The following IL17RE variants were observed in gnomAD, a reference collection of about 807,000 sequenced individuals.
IL17RE encodes the protein interleukin 17 receptor E.
IL17RE carries 47 observed loss-of-function variants against 70.7 expected under a neutral mutation model. The ratio of observed to expected loss-of-function variants is 0.67; its 90% CI spans 0.53 to 0.85. The LOEUF is 0.85. Among genes scored for constraint, IL17RE ranks in the 40% least tolerant of loss-of-function variants. IL17RE has a pLI of 0.00. For synonymous variants in IL17RE, 372 were observed against 381.2 expected, an observed-to-expected ratio of 0.98 and a Z score of 0.28; for missense variants, 850 against 893.9, an observed-to-expected ratio of 0.95 and a Z score of 0.63.
intron 12 of IL17RE, among the ~76,000 whole-genome samples, chr3:9,912,716 C>A (rs910449053): frequency 4.6e-5 from 7 of 152,178 alleles, no homozygotes; most frequent in African/African-American, 1.7e-4. Flanking sequence ...GTATGAAAGA[C>A]CAAGTCACGC....
intron 2 of IL17RE, 111 bp downstream of exon 2, chr3:9,903,523 A>G (rs148627252): frequency 1.4e-5 from 17 of 1,204,034 alleles, no homozygotes; most frequent in Middle Eastern, 2.4e-4. Flanking sequence ...GTAGCACAAT[A>G]TCAAGGAAAA....
upstream of IL17RE, chr3:9,902,526 A>C: frequency 5.6e-6 from 6 of 1,068,766 alleles, no homozygotes; most frequent in Non-Finnish European, 8.3e-6. Flanking sequence ...GAGGGGGTGA[A>C]GCGCATGTCT....
intron 12 of IL17RE, 124 bp from the exon 13 acceptor site, chr3:9,913,832 A>C: frequency 1.4e-6 from 1 of 740,236 alleles, no homozygotes; most frequent in Non-Finnish European, 2.4e-6. Context: ...CAGAGGTGGC[A>C]CTTGGCCTAA....
intron 1 of IL17RE, 149 bp downstream of exon 1, chr3:9,903,213 G>T (rs1559265542): frequency 5.2e-6 from 5 of 960,198 alleles, no homozygotes; most frequent in Non-Finnish European, 1.6e-6. Flanking sequence ...GGTAGCCAAG[G>T]TCCTTTGTGC....
At chr3:9,914,357 C>T (rs1038174322) in intron 13 of IL17RE, 191 bp from the exon 14 acceptor site, 1 of 1,437,286 alleles carries the variant, frequency 7.0e-7, no homozygotes, top group African/African-American at 1.4e-5. Flanking sequence ...TGAGTTTGGC[C>T]CCTGTCACAC....
At chr3:9,912,403 C>T (rs181007147) in intron 12 of IL17RE, among the ~76,000 whole-genome samples, 17 of 152,306 alleles carry the variant, frequency 1.1e-4, no homozygotes, top group Admixed American at 1.3e-4. Context: ...CCTGCCTCCA[C>T]GAGGCACCTG....
intron 3 of IL17RE, 31 bp downstream of exon 3, chr3:9,904,182 A>T: frequency 6.2e-7 from 1 of 1,610,344 alleles, no homozygotes. Flanking sequence ...GGCCATTCTC[A>T]GTGAAGAGAA....
intron 13 of IL17RE, 110 bp downstream of exon 13, chr3:9,914,134 G>C: frequency 1.1e-6 from 1 of 911,174 alleles, no homozygotes; most frequent in Non-Finnish European, 1.8e-6. Flanking sequence ...GGCCAGCACA[G>C]TGTTTTAAAT....
rs115354176 is a variant in IL17RE at position 9,910,875 on chromosome 3, C to A, written c.813C>A (p.Asp271Glu). ...CTGCCACCTGCCCAGATGGCTCGGA[C>A]TTCTGGAAGTCAGTGCACTTCACTG... ...FQSWPEAYGSDFWKSVHFTDY... is the reference protein window; with the variant it reads ...FQSWPEAYGSEFWKSVHFTDY... The change falls in exon 9 of 16, where the codon GAC (aspartate) becomes GAA (glutamate). Residue 271 changes from aspartate (D) to glutamate (E), a missense_variant. Transcript: ENST00000383814. 2,666 of 1,613,826 alleles carry A rather than the reference C, an allele frequency of 1.7e-3. 33 individuals are homozygous for A. The African/African-American group carries it at 0.032, about 19-fold the overall frequency.
chr3:9,915,993 CTCA>C lies in IL17RE; in HGVS notation c.*188_*190del. The C allele has an allele frequency of 9.2e-7, 1 of 1,085,570 alleles. No homozygotes were observed. Among genetic ancestry groups the C allele is most frequent in the Non-Finnish European group, 1.2e-6 (1 of 825,084 alleles). 67.2% of individuals were successfully genotyped at this position (1,085,570 alleles called of 1,614,324 possible). A position where few individuals can be genotyped will look rare whatever the true frequency, so the allele number is the denominator to read the frequency against. ...GTCCCCGCGCGCGTCCCTCTTCCTC[CTCA>C]TACTTTCCCTTGACTGAGAGCTCCT... On this transcript the variant is annotated 3_prime_UTR_variant, in exon 16 of 16. Coordinates refer to ENST00000383814, the MANE Select transcript of IL17RE (RefSeq NM_153480.2). The surrounding 1 kb of genome is among the most constrained non-coding windows in gnomAD (Gnocchi z 4.9).
At position 9,915,841 on chromosome 3, in the gene IL17RE, C is replaced by A; in HGVS notation, c.*34C>A. The A allele has an allele frequency of 6.8e-7, 1 of 1,469,272 alleles. No individual in the cohort carries two copies. Among genetic ancestry groups the A allele is most frequent in the African/African-American group, 1.5e-5 (1 of 67,920 alleles). The allele number at this position is 1,469,272 out of a possible 1,614,324, so 91.0% of individuals were successfully genotyped here. Reference sequence around the variant, plus strand: ...CCACCGCAGTCCCGGGTGTCTGCGGCCGCAACGCAACGGACACTGGCTGGA... The same window carrying A: ...CCACCGCAGTCCCGGGTGTCTGCGGACGCAACGCAACGGACACTGGCTGGA... On this transcript the variant is annotated 3_prime_UTR_variant, in exon 16 of 16. Coordinates refer to ENST00000383814, the MANE Select transcript of IL17RE (RefSeq NM_153480.2). The surrounding 1 kb of genome is among the most constrained non-coding windows in gnomAD (Gnocchi z 4.9).
rs2082807793 is a variant in IL17RE at position 9,908,314 on chromosome 3, A to C, written c.735+7A>C. On this transcript the variant is annotated splice_region_variant and intron_variant, in intron 7 of 15. Transcript: ENST00000383814. ...GCCCTGTCTGTGCATAGAGGTGAGCAAAGGAAAAGGTGTGGGCTGTCCATG... is the reference window on the plus strand; with the variant it reads ...GCCCTGTCTGTGCATAGAGGTGAGCCAAGGAAAAGGTGTGGGCTGTCCATG... 1 of 1,613,430 alleles carries C rather than the reference A, an allele frequency of 6.2e-7. No individual in the cohort carries two copies. The highest frequency in any genetic ancestry group is 8.5e-7 in the Non-Finnish European group (1 of 1,179,488).
At chr3:9,906,319 AG>A (rs773551392) in intron 3 of IL17RE, 44 bp from the exon 4 acceptor site, 39 of 1,083,034 alleles carry the variant, frequency 3.6e-5, no homozygotes, top group Admixed American at 8.7e-5. Flanking sequence ...CAGGCAGGGG[AG>A]GGGGTAATGA....
chr3:9,914,674 C>T lies in IL17RE; in HGVS notation c.1349-5C>T, dbSNP rs1208846685. The T allele has an allele frequency of 4.3e-6, 7 of 1,614,068 alleles. No individual in the cohort carries two copies. The highest frequency in any genetic ancestry group is 5.9e-6 in the Non-Finnish European group (7 of 1,179,926). Reference sequence around the variant, plus strand: ...CTGGGCTTGGCCTCATCCTGCTTGACTCAGTCTCTTACAGACACCTGGGGC... The same window carrying T: ...CTGGGCTTGGCCTCATCCTGCTTGATTCAGTCTCTTACAGACACCTGGGGC... On this transcript the variant is annotated splice_polypyrimidine_tract_variant and splice_region_variant and intron_variant, in intron 14 of 15. Coordinates refer to ENST00000383814, the MANE Select transcript of IL17RE (RefSeq NM_153480.2).
chr3:9,912,171 G>T (rs866266456), intron 12 of IL17RE, among the ~76,000 whole-genome samples: 1 of 152,172 alleles, frequency 6.6e-6, no homozygotes, highest in African/African-American at 2.4e-5. Flanking sequence ...AGGGATCTTG[G>T]TTGTGAGCTA....
intron 4 of IL17RE, 82 bp from the exon 5 acceptor site, chr3:9,906,624 A>C (rs1315198705): frequency 1.3e-6 from 2 of 1,535,516 alleles, no homozygotes; most frequent in African/African-American, 1.4e-5. Flanking sequence ...ACTTGCCTGT[A>C]GTACCTCAGG....
chr3:9,904,385 G>T (rs1223766264), intron 3 of IL17RE, among the ~76,000 whole-genome samples: 1 of 152,088 alleles, frequency 6.6e-6, no homozygotes, highest in Non-Finnish European at 1.5e-5. Flanking sequence ...TGGATTTATT[G>T]TTATTACCAT....
At chr3:9,909,380 A>G (rs1476151709) in intron 8 of IL17RE, 97 bp downstream of exon 8, 1 of 1,058,770 alleles carries the variant, frequency 9.4e-7, no homozygotes, top group Non-Finnish European at 1.4e-6. Context: ...CACACCCCGC[A>G]CTTCACACAT....
chr3:9,909,708 T>C (rs1018472711), intron 8 of IL17RE: 6 of 175,464 alleles, frequency 3.4e-5, no homozygotes, highest in African/African-American at 1.4e-4. Context: ...AAGTGGCTGG[T>C]GATGTCTGAA....
Sources: allele counts gnomAD v4.1 joint callset (sites outside exome capture counted in the v4.1 genomes callset), GRCh38; gene constraint gnomAD v4.1.1; non-coding constraint Gnocchi (gnomAD v3.1); transcripts MANE v1.5; gene names NCBI Gene and HGNC (gene_info 2026-07-23, HGNC 2026-07-21).